The following SLC39A10 variants were observed in gnomAD, a reference collection of about 807,000 sequenced individuals.
SLC39A10 encodes zinc transporter ZIP10.
In SLC39A10, 13 loss-of-function variants were observed where a neutral mutation model predicts 65.1. The observed-to-expected ratio is 0.20, with a 90% CI of 0.13 to 0.32. The LOEUF is 0.32. Among genes scored for constraint, SLC39A10 ranks in the 10% least tolerant of loss-of-function variants. SLC39A10 has a pLI of 1.00. For missense variants in SLC39A10, 831 were observed against 1,018.4 expected (o/e 0.82, Z 2.50); for synonymous variants, 321 against 342.2 (o/e 0.94, Z 0.68).
intron 6 of SLC39A10, among the ~76,000 whole-genome samples, chr2:195,715,772 A>T (rs1341168000): frequency 6.6e-6 from 1 of 152,230 alleles, no homozygotes; most frequent in Non-Finnish European, 1.5e-5. Flanking sequence ...GTGAAGTCAG[A>T]AAAACTTATC....
At position 195,663,791 on chromosome 2, in the gene SLC39A10, CT is replaced by C. The variant is rs112204862; in HGVS notation, c.-12+6523del. 1.7e-3 allele frequency among the ~76,000 whole-genome samples: 223 copies of C among 133,180 alleles called. 2 individuals carry two copies. Among genetic ancestry groups the C allele is most frequent in the South Asian group, 4.6e-3 (19 of 4,094 alleles). The allele number at this position is 133,180 out of a possible 152,430, so 87.4% of individuals were successfully genotyped here. A position where few individuals can be genotyped will look rare whatever the true frequency, so the allele number is the denominator to read the frequency against. On this transcript the variant is annotated intron_variant, in intron 1 of 9. Transcript: ENST00000359634. Reference sequence around the variant, plus strand: ...AATTAGGATAGTCTATAGTTTTTTTCTTTTTTTTTTTTTCAACTTTTATTTT... The same window carrying C: ...AATTAGGATAGTCTATAGTTTTTTTCTTTTTTTTTTTTCAACTTTTATTTT...
chr2:195,700,673 A>G (rs562107844), intron 3 of SLC39A10, among the ~76,000 whole-genome samples: 11 of 152,236 alleles, frequency 7.2e-5, no homozygotes, highest in Admixed American at 2.6e-4. Flanking sequence ...TTGAACGTCA[A>G]TTTTGCAGCA....
chr2:195,675,559 G>A (rs775369765), intron 1 of SLC39A10, among the ~76,000 whole-genome samples: 3 of 152,170 alleles, frequency 2.0e-5, no homozygotes, highest in Non-Finnish European at 4.4e-5. Context: ...AGCCTCCCGA[G>A]TAGCTCGTAC....
intron 9 of SLC39A10, among the ~76,000 whole-genome samples, chr2:195,731,802 C>A (rs1386411876): frequency 6.6e-6 from 1 of 152,050 alleles, no homozygotes; most frequent in Non-Finnish European, 1.5e-5. Context: ...TTATTAGAAG[C>A]AAGGGGAAGG....
chr2:195,632,119 T>C (rs970442217), intron 2 of SLC39A10, among the ~76,000 whole-genome samples: 3 of 150,500 alleles, frequency 2.0e-5, no homozygotes, highest in Non-Finnish European at 4.4e-5. Flanking sequence ...TCTCAAACTC[T>C]TGGACTCAAG....
intron 2 of SLC39A10, among the ~76,000 whole-genome samples, chr2:195,625,899 G>C (rs1574199231): frequency 6.6e-6 from 1 of 152,224 alleles, no homozygotes; most frequent in African/African-American, 2.4e-5. Context: ...ATTCTCCCAC[G>C]TTAGCCTCCT....
intron 2 of SLC39A10, among the ~76,000 whole-genome samples, chr2:195,630,954 C>T (rs533116523): frequency 7.2e-5 from 11 of 152,196 alleles, no homozygotes; most frequent in South Asian, 4.2e-4. Context: ...TTTGGGAGGC[C>T]GAGGCAGGTG....
chr2:195,631,741 G>A (rs1338863710), intron 2 of SLC39A10, among the ~76,000 whole-genome samples: 1 of 152,010 alleles, frequency 6.6e-6, no homozygotes, highest in African/African-American at 2.4e-5. Flanking sequence ...AAAATTTTCA[G>A]TAAATGCACA....
intron 3 of SLC39A10, among the ~76,000 whole-genome samples, chr2:195,685,461 G>C (rs116869337): frequency 8.6e-5 from 13 of 151,924 alleles, no homozygotes; most frequent in Non-Finnish European, 1.5e-4. Context: ...AAGGCTTTCC[G>C]TAATATGATC....
chr2:195,696,325 A>T (rs1690957938), intron 3 of SLC39A10, among the ~76,000 whole-genome samples: 1 of 151,622 alleles, frequency 6.6e-6, no homozygotes, highest in Non-Finnish European at 1.5e-5. Context: ...TTCTGAAAAA[A>T]AAAAAAAAAA....
At chr2:195,695,693 G>T (rs940111073) in intron 3 of SLC39A10, among the ~76,000 whole-genome samples, 1 of 152,230 alleles carries the variant, frequency 6.6e-6, no homozygotes, top group African/African-American at 2.4e-5. Context: ...TCCACATGCT[G>T]CTCTGTCCGA....
intron 1 of SLC39A10, among the ~76,000 whole-genome samples, chr2:195,666,604 A>G (rs1306004354): frequency 6.6e-6 from 1 of 152,132 alleles, no homozygotes; most frequent in Non-Finnish European, 1.5e-5. Flanking sequence ...GACTACAGGC[A>G]TGGGCTACCA....
chr2:195,619,212 T>G (rs1039055925), intron 2 of SLC39A10, among the ~76,000 whole-genome samples: 1 of 151,584 alleles, frequency 6.6e-6, no homozygotes, highest in African/African-American at 2.4e-5. Flanking sequence ...GACCTGAACT[T>G]AGGTAGTAGA....
At chr2:195,720,017 T>C (rs1260963625) in intron 8 of SLC39A10, among the ~76,000 whole-genome samples, 1 of 152,168 alleles carries the variant, frequency 6.6e-6, no homozygotes, top group Non-Finnish European at 1.5e-5. Context: ...CTCGAACTCC[T>C]GACCTCAGGT....
At chr2:195,698,729 AT>A (rs2105799071) in intron 3 of SLC39A10, among the ~76,000 whole-genome samples, 1 of 150,726 alleles carries the variant, frequency 6.6e-6, no homozygotes, top group East Asian at 1.9e-4. Context: ...TTCTTTGACA[AT>A]TTTTACATCT....
chr2:195,620,406 A>G (rs1430381262), intron 2 of SLC39A10, among the ~76,000 whole-genome samples: 1 of 152,230 alleles, frequency 6.6e-6, no homozygotes, highest in African/African-American at 2.4e-5. Context: ...ATACTTCCCC[A>G]GAGTTCAGAG....
intron 2 of SLC39A10, among the ~76,000 whole-genome samples, chr2:195,647,258 C>T (rs1171528706): frequency 1.3e-5 from 2 of 151,984 alleles, no homozygotes; most frequent in African/African-American, 2.4e-5. Flanking sequence ...CCACCCTAGT[C>T]GTATGATAAT....
chr2:195,660,585 G>A (rs1689352418), intron 1 of SLC39A10, among the ~76,000 whole-genome samples: 1 of 152,042 alleles, frequency 6.6e-6, no homozygotes, highest in African/African-American at 2.4e-5. Flanking sequence ...GTTTCCTCTG[G>A]GTAGTTAGTG....
chr2:195,725,301 T>G (rs962568874), intron 8 of SLC39A10, among the ~76,000 whole-genome samples: 2 of 152,088 alleles, frequency 1.3e-5, no homozygotes, highest in Non-Finnish European at 2.9e-5. Context: ...TTAAAAACTC[T>G]TCACAAAAGA....
Sources: gnomAD v4.1 joint callset for allele counts (sites outside exome capture counted in the v4.1 genomes callset) on GRCh38, gnomAD v4.1.1 for gene constraint, MANE v1.5 for transcripts, NCBI Gene and HGNC (gene_info 2026-07-23, HGNC 2026-07-21) for gene names.